NKAIN3: variants seen among roughly 807,000 people sequenced by gnomAD.
NKAIN3 encodes sodium/potassium-transporting ATPase subunit beta-1-interacting protein 3.
Under a neutral mutation model 30.2 loss-of-function variants are expected in NKAIN3, and 25 were observed. That is an observed-to-expected ratio of 0.83 (90% confidence interval 0.60 to 1.16). NKAIN3 has a LOEUF of 1.16. NKAIN3 is among the 50% of genes most tolerant of loss of function. NKAIN3 has a pLI of 0.00. For missense variants in NKAIN3, 225 were observed against 254.1 expected, an observed-to-expected ratio of 0.89 and a Z score of 0.78; for synonymous variants, 91 against 89.6, an observed-to-expected ratio of 1.02 and a Z score of -0.09.
At chr8:62,699,316 A>G (rs1360662918) in intron 3 of NKAIN3, among the ~76,000 whole-genome samples, 2 of 152,222 alleles carry the variant, frequency 1.3e-5, no homozygotes, top group Non-Finnish European at 2.9e-5. Flanking sequence ...TTTCTCTGTA[A>G]TTATACTTTT....
At chr8:62,431,963 G>A (rs1376408305) in intron 1 of NKAIN3, among the ~76,000 whole-genome samples, 5 of 140,342 alleles carry the variant, frequency 3.6e-5, no homozygotes, top group Non-Finnish European at 6.2e-5. Flanking sequence ...AGGTTTTGTA[G>A]GAAATAAGGG....
intron 1 of NKAIN3, among the ~76,000 whole-genome samples, chr8:62,303,272 A>G (rs1814115741): frequency 2.7e-5 from 4 of 150,426 alleles, no homozygotes; most frequent in Admixed American, 2.6e-4. Context: ...AGTGTGAGCA[A>G]ATTTCCGCAT....
At chr8:62,551,024 T>A (rs922935810) in intron 1 of NKAIN3, among the ~76,000 whole-genome samples, 19 of 152,186 alleles carry the variant, frequency 1.2e-4, no homozygotes, top group Middle Eastern at 3.2e-3. Flanking sequence ...CATGACGGCT[T>A]TGCATGGGTC....
chr8:62,859,640 A>G (rs555083139), intron 4 of NKAIN3, among the ~76,000 whole-genome samples: 3 of 151,840 alleles, frequency 2.0e-5, no homozygotes, highest in Non-Finnish European at 4.4e-5. Flanking sequence ...GTGTGCTTAC[A>G]TTGCTTCAAA....
intron 3 of NKAIN3, among the ~76,000 whole-genome samples, chr8:62,628,982 AT>A (rs1811870249): frequency 6.6e-6 from 1 of 152,222 alleles, no homozygotes; most frequent in South Asian, 2.1e-4. Context: ...GCTGAAATTC[AT>A]TTTCCTTTTA....
chr8:62,933,512 A>C (rs755205486), intron 5 of NKAIN3, among the ~76,000 whole-genome samples: 3 of 152,210 alleles, frequency 2.0e-5, no homozygotes, highest in Non-Finnish European at 4.4e-5. Context: ...CTATTTAGGC[A>C]AACTCTCAGG....
intron 3 of NKAIN3, among the ~76,000 whole-genome samples, chr8:62,745,970 C>A (rs1816055966): frequency 6.6e-6 from 1 of 152,214 alleles, no homozygotes; most frequent in Non-Finnish European, 1.5e-5. Context: ...CTGTGACTTA[C>A]TTTTCTCACC....
chr8:62,485,090 G>A (rs1253659021), intron 1 of NKAIN3, among the ~76,000 whole-genome samples: 2 of 152,152 alleles, frequency 1.3e-5, no homozygotes, highest in Non-Finnish European at 2.9e-5. Flanking sequence ...CCTCTCAGGG[G>A]CCAGAGAGAG....
At chr8:62,353,193 A>G (rs1312363218) in intron 1 of NKAIN3, among the ~76,000 whole-genome samples, 2 of 152,188 alleles carry the variant, frequency 1.3e-5, no homozygotes, top group East Asian at 3.9e-4. Flanking sequence ...ACCCAGGTGA[A>G]CCTTGGCCTG....
chr8:62,926,374 C>A (rs916871715), intron 5 of NKAIN3, among the ~76,000 whole-genome samples: 1 of 152,162 alleles, frequency 6.6e-6, no homozygotes, highest in Non-Finnish European at 1.5e-5. Context: ...TCTGCCAGCC[C>A]CCCTGTGGGT....
intron 1 of NKAIN3, among the ~76,000 whole-genome samples, chr8:62,568,112 A>C (rs1259415694): frequency 1.3e-5 from 2 of 152,190 alleles, no homozygotes; most frequent in East Asian, 3.9e-4. Flanking sequence ...GGTGGGGTGG[A>C]GAAGAAAGAG....
chr8:62,951,459 TG>T (rs1823283058), intron 5 of NKAIN3, among the ~76,000 whole-genome samples: 1 of 152,202 alleles, frequency 6.6e-6, no homozygotes, highest in South Asian at 2.1e-4. Context: ...TTTGTTTGTT[TG>T]CTTTGTTTTG....
At position 62,345,258 on chromosome 8, in the gene NKAIN3, T is replaced by C. The variant is rs199803312; in HGVS notation, c.54+96131T>C. On this transcript the variant is annotated intron_variant, in intron 1 of 6. Transcript: ENST00000623646. ...AAATATGTACATGTGGGTATATATATACACACACACACACACATATACACG... is the reference window on the plus strand; with the variant it reads ...AAATATGTACATGTGGGTATATATACACACACACACACACACATATACACG... 1.8e-3 allele frequency among the ~76,000 whole-genome samples: 259 copies of C among 142,768 alleles called. 2 individuals carry two copies. The highest frequency in any genetic ancestry group is 4.6e-3 in the African/African-American group (173 of 37,214). 93.7% of individuals were successfully genotyped at this position (142,768 alleles called of 152,430 possible).
chr8:62,443,768 C>T (rs1262024593), intron 1 of NKAIN3, among the ~76,000 whole-genome samples: 1 of 151,896 alleles, frequency 6.6e-6, no homozygotes, highest in East Asian at 1.9e-4. Flanking sequence ...TCTTCTCTTT[C>T]TTTTTGATTT....
intron 3 of NKAIN3, 84 bp downstream of exon 3, chr8:62,589,878 TGTGTGTGTGTGTG>T: frequency 2.6e-5 from 2 of 77,358 alleles, no homozygotes; most frequent in Non-Finnish European, 6.0e-5. Context: ...AGGTATATTG[TGTGTGTGTGTGTG>T]TGTGTGTGTG....
chr8:62,772,049 A>G (rs1219544275), intron 4 of NKAIN3, among the ~76,000 whole-genome samples: 2 of 152,026 alleles, frequency 1.3e-5, no homozygotes, highest in African/African-American at 2.4e-5. Flanking sequence ...AACCATCCCT[A>G]CTACCCCCCA....
chr8:62,729,336 A>G (rs1815394011), intron 3 of NKAIN3, among the ~76,000 whole-genome samples: 1 of 152,146 alleles, frequency 6.6e-6, no homozygotes, highest in Admixed American at 6.5e-5. Flanking sequence ...CTACATACCT[A>G]TTAGAATGGC....
At chr8:62,867,884 A>C (rs1396823143) in intron 4 of NKAIN3, among the ~76,000 whole-genome samples, 1 of 152,248 alleles carries the variant, frequency 6.6e-6, no homozygotes, top group East Asian at 1.9e-4. Flanking sequence ...TATGTGTATG[A>C]GTATATTTAC....
At chr8:62,757,619 T>C (rs1381497268) in intron 4 of NKAIN3, among the ~76,000 whole-genome samples, 3 of 152,142 alleles carry the variant, frequency 2.0e-5, no homozygotes, top group Non-Finnish European at 4.4e-5. Flanking sequence ...AGAAGTAGTG[T>C]TCAGAAAAGT....
Sources: allele counts gnomAD v4.1 joint callset (sites outside exome capture counted in the v4.1 genomes callset), GRCh38; gene constraint gnomAD v4.1.1; transcripts MANE v1.5; gene names NCBI Gene and HGNC (gene_info 2026-07-23, HGNC 2026-07-21).